The following RIF1 variants were observed in gnomAD, a reference collection of about 807,000 sequenced individuals.
RIF1 encodes the protein telomere-associated protein RIF1.
In RIF1, 45 loss-of-function variants were observed where a neutral mutation model predicts 247.1. The ratio of observed to expected loss-of-function variants is 0.18; its 90% CI spans 0.14 to 0.23. The LOEUF is 0.23. Ranked by LOEUF, RIF1 falls within the 10% of genes least tolerant of loss-of-function variation. The probability of loss-of-function intolerance (pLI) is 1.00; values close to 1 mark genes in which losing one functional copy is unlikely to be tolerated. For missense variants in RIF1, 2,967 were observed against 2,862.5 expected (o/e 1.04, Z -0.83); for synonymous variants, 1,087 against 978.8 (o/e 1.11, Z -2.06).
At chr2:151,456,748 T>G in intron 23 of RIF1, 128 bp downstream of exon 23, 1 of 548,888 alleles carries the variant, frequency 1.8e-6, no homozygotes, top group East Asian at 3.4e-5. Flanking sequence ...CTTTTTTTCC[T>G]GGAGACAGCA....
Position 151,446,489 on chromosome 2 carries a change from G to C in RIF1, c.2158G>C (p.Ala720Pro), listed in dbSNP as rs1431587524. ...ELYRAFARCA[A>P]LVATAEENLC... ...ATATAGAGCATTTGCTCGTTGTGCT[G>C]CTTTGGTGGCAACAGCAGAAGAGAA... Residue 720 changes from alanine to proline, a missense_variant, in exon 20 of 36, where the codon GCT (alanine) becomes CCT (proline). By Grantham distance (27) the Ala-to-Pro change is conservative. Transcript: ENST00000444746. 1 of 1,613,948 alleles carries C rather than the reference G, an allele frequency of 6.2e-7. No homozygotes were observed. The highest frequency in any genetic ancestry group is 8.5e-7 in the Non-Finnish European group (1 of 1,179,942).
chr2:151,514,300 A>G, the RIF1 span: 1 of 1,529,714 alleles, frequency 6.5e-7, no homozygotes, highest in Non-Finnish European at 9.1e-7. Context: ...ACGTGCAGGC[A>G]GTCAGCTGTG....
At chr2:151,501,812 A>AAATT (rs1443983616) in intron 11 of RIF1, among the ~76,000 whole-genome samples, 1 of 152,196 alleles carries the variant, frequency 6.6e-6, no homozygotes, top group Non-Finnish European at 1.5e-5. Flanking sequence ...TGGTAACATT[A>AAATT]AATTAGGGAA....
At chr2:151,492,976 A>G (rs2057734852) in intron 9 of RIF1, 1 of 198,808 alleles carries the variant, frequency 5.0e-6, no homozygotes. Context: ...TCCATTTCAG[A>G]GTATTACCCA....
Position 151,462,950 on chromosome 2 carries a change from C to T in RIF1, c.3430C>T (p.His1144Tyr). The T allele has an allele frequency of 6.2e-7, 1 of 1,613,948 alleles. No individual in the cohort carries two copies. The highest frequency in any genetic ancestry group is 8.5e-7 in the Non-Finnish European group (1 of 1,179,934). ...CACGGAAGACTGTGGTATGGCTGAA[C>T]ATCTTGAAAAGTCCTCCCTTTCGAA... ...DVTEDCGMAE[H>Y]LEKSSLSNNE... The change falls in exon 30 of 36, where the codon CAT (histidine) becomes TAT (tyrosine). Residue 1144 changes from histidine to tyrosine, a missense_variant. By Grantham distance (83) the His-to-Tyr change is moderately conservative (BLOSUM62 2). This residue lies in a region of RIF1 where 2,028 missense variants were observed against 1,825.6 expected (regional missense o/e 1.11). Transcript: ENST00000444746.
At chr2:151,509,889 C>CGA (rs1035172911), downstream of RIF1, among the ~76,000 whole-genome samples, 1 of 152,128 alleles carries the variant, frequency 6.6e-6, no homozygotes, top group African/African-American at 2.4e-5. Context: ...ATTACAGGCG[C>CGA]GAGCCACTGC....
At chr2:151,433,294 A>G (rs996375637) in intron 10 of RIF1, 66 bp downstream of exon 10, 48 of 1,296,884 alleles carry the variant, frequency 3.7e-5, no homozygotes, top group African/African-American at 7.3e-5. Context: ...ATTCTTACCA[A>G]TGTAATCCTG....
the RIF1 span, chr2:151,530,909 GA>G: frequency 1.2e-6 from 1 of 836,352 alleles, no homozygotes; most frequent in Non-Finnish European, 1.9e-6. Context: ...TGTTACACAG[GA>G]ATAGATAACT....
chr2:151,453,106 CG>C (rs1694609409), intron 21 of RIF1, among the ~76,000 whole-genome samples: 1 of 152,094 alleles, frequency 6.6e-6, no homozygotes, highest in South Asian at 2.1e-4. Flanking sequence ...GTGGAAACTT[CG>C]TATTCCTTTA....
the RIF1 span, chr2:151,531,174 T>C: frequency 6.4e-5 from 65 of 1,008,636 alleles, no homozygotes; most frequent in Admixed American, 1.0e-4. Context: ...AAATGCAAAG[T>C]TTTTTCCTGA....
At chr2:151,485,990 A>T, downstream of RIF1, 1 of 1,539,562 alleles carries the variant, frequency 6.5e-7, no homozygotes, top group Non-Finnish European at 8.9e-7. Context: ...AACAGTTAAC[A>T]CACATCTATT....
At chr2:151,518,470 G>T in the RIF1 span, 2 of 1,170,574 alleles carry the variant, frequency 1.7e-6, no homozygotes, top group Non-Finnish European at 2.6e-6. Context: ...AAGCTGCTCA[G>T]CATTCCTATT....
the RIF1 span, chr2:151,527,578 T>C: frequency 2.5e-6 from 4 of 1,611,214 alleles, no homozygotes; most frequent in South Asian, 1.1e-5. Flanking sequence ...CTGTTTCTTA[T>C]AGTCCAGCTG....
At chr2:151,412,298 T>A (rs1040770507) in intron 3 of RIF1, among the ~76,000 whole-genome samples, 126 of 119,278 alleles carry the variant, frequency 1.1e-3, no homozygotes, top group African/African-American at 2.8e-3. Context: ...TCTCTTTTTT[T>A]AATTTTTTTT....
chr2:151,433,318 G>C lies in RIF1; in HGVS notation c.1077+90G>C, dbSNP rs139268829. 2.0e-3 allele frequency: 2,110 copies of C among 1,054,830 alleles called. 32 individuals are homozygous for C. In the East Asian group the frequency reaches 0.032, roughly 16 times the overall value. The allele number at this position is 1,054,830 out of a possible 1,614,324, so 65.3% of individuals were successfully genotyped here. A position where few individuals can be genotyped will look rare whatever the true frequency, so the allele number is the denominator to read the frequency against. On this transcript the variant is annotated intron_variant, in intron 10 of 35. Coordinates refer to ENST00000444746, the MANE Select transcript of RIF1 (RefSeq NM_018151.5). ...AATGTAATCCTGTGGTGTTATTTTTGCTATTTATTAGCAGACTAGAACATA... is the reference window on the plus strand; with the variant it reads ...AATGTAATCCTGTGGTGTTATTTTTCCTATTTATTAGCAGACTAGAACATA...
Position 151,416,813 on chromosome 2 carries a change from A to C in RIF1, c.415A>C (p.Ser139Arg). Residue 139 changes from serine (S) to arginine (R), a missense_variant, in exon 6 of 36, where the codon AGT becomes CGT. Physicochemically the swap from Ser to Arg is moderately radical, Grantham distance 110. Coordinates refer to ENST00000444746, the MANE Select transcript of RIF1 (RefSeq NM_018151.5). ...PSEVVGKMVS[S>R]IIDSLEILFN... ...TATTTGGTTCGTTTTTTAGGTATCC[A>C]GTATAATTGATTCATTAGAAATACT... 6.2e-7 allele frequency: 1 copy of C among 1,609,134 alleles called. No homozygotes were observed. The highest frequency in any genetic ancestry group is 8.5e-7 in the Non-Finnish European group (1 of 1,177,384).
chr2:151,526,722 G>A, the RIF1 span, among the ~76,000 whole-genome samples: 221 of 152,290 alleles, frequency 1.5e-3, no homozygotes, highest in African/African-American at 4.9e-3. Context: ...CTGTCACCTG[G>A]ATCTAATGGC....
At chr2:151,493,938 G>C (rs2058428149) in intron 9 of RIF1, 6 of 1,138,870 alleles carry the variant, frequency 5.3e-6, no homozygotes, top group Non-Finnish European at 6.2e-6. Context: ...TTGCAAGTTG[G>C]GGGGAAATGT....
chr2:151,501,709 C>T lies in RIF1; in HGVS notation c.*710-1325C>T, dbSNP rs140916608. On this transcript the variant is annotated intron_variant and NMD_transcript_variant, in intron 11 of 13. Transcript: ENST00000454583. ...CAGTAAAACACAGCTGCCAGGCTGC[C>T]GGCAGGAGTGGCTTGACTTATGTAG... 2.3e-3 allele frequency among the ~76,000 whole-genome samples: 349 copies of T among 152,234 alleles called. 2 individuals carry two copies. Among genetic ancestry groups the T allele is most frequent in the Middle Eastern group, 6.8e-3 (2 of 294 alleles).
Sources: gnomAD v4.1 joint callset for allele counts (sites outside exome capture counted in the v4.1 genomes callset) on GRCh38, gnomAD v4.1.1 for gene constraint, gnomAD v4.1.1 regional missense constraint, MANE v1.5 for transcripts, NCBI Gene and HGNC (gene_info 2026-07-23, HGNC 2026-07-21) for gene names.